Variants in CTNNA2 observed in about 807,000 individuals in gnomAD.
The protein encoded by CTNNA2 is catenin alpha 2, also known as catenin alpha-2.
In CTNNA2, 42 loss-of-function variants were observed where a neutral mutation model predicts 101.0. The observed-to-expected ratio is 0.42, with a 90% confidence interval of 0.32 to 0.54. CTNNA2 has a LOEUF of 0.54. Among genes scored for constraint, CTNNA2 ranks in the 20% least tolerant of loss-of-function variants. The pLI, the probability that CTNNA2 is intolerant of heterozygous loss-of-function variation, is 0.14. For missense variants in CTNNA2, 871 were observed against 1,223.1 expected, an observed-to-expected ratio of 0.71 and a Z score of 4.29; for synonymous variants, 450 against 456.4, an observed-to-expected ratio of 0.99 and a Z score of 0.18.
chr2:79,980,917 TTTC>T (rs1691218648), intron 7 of CTNNA2, among the ~76,000 whole-genome samples: 1 of 152,130 alleles, frequency 6.6e-6, no homozygotes, highest in Admixed American at 6.6e-5. Flanking sequence ...CAATTCTTTC[TTTC>T]TTTTTTTTTT....
At chr2:80,077,225 A>G (rs1302094659) in intron 7 of CTNNA2, among the ~76,000 whole-genome samples, 2 of 152,202 alleles carry the variant, frequency 1.3e-5, no homozygotes, top group East Asian at 3.8e-4. Context: ...TTAAACATAC[A>G]TTTACCGTAG....
At chr2:79,496,210 G>A (rs781212450) in intron 4 of CTNNA2, among the ~76,000 whole-genome samples, 4 of 151,964 alleles carry the variant, frequency 2.6e-5, no homozygotes, top group Admixed American at 6.6e-5. Flanking sequence ...AAAAAATTTA[G>A]CAATTGTTTC....
Position 79,271,748 on chromosome 2 carries a change from C to T in CTNNA2, c.-405-40961C>T, listed in dbSNP as rs188743053. On this transcript the variant is annotated intron_variant, in intron 2 of 21. Coordinates refer to the CTNNA2 transcript ENST00000466387. ...GGCAGGTCAGGAGGCCTTGAAGTTT[C>T]CCCAGTAAGAGGAATTTAACAGAGA... Among the ~76,000 whole-genome samples the T allele has an allele frequency of 3.7e-3, 561 of 152,114 alleles. 4 individuals are homozygous for T. Among genetic ancestry groups the T allele is most frequent in the Middle Eastern group, 0.01 (3 of 294 alleles).
chr2:79,666,156 T>C (rs561869591), intron 2 of CTNNA2, among the ~76,000 whole-genome samples: 24 of 152,362 alleles, frequency 1.6e-4, no homozygotes, highest in African/African-American at 5.8e-4. Context: ...TTTTGCATTT[T>C]TTAAAAATGG....
At chr2:80,609,869 A>G (rs1000698569) in intron 17 of CTNNA2, among the ~76,000 whole-genome samples, 2 of 151,630 alleles carry the variant, frequency 1.3e-5, no homozygotes, top group African/African-American at 2.4e-5. Flanking sequence ...CTCAGTACCC[A>G]TTGTTTGTCA....
At chr2:80,619,966 G>A (rs1045259111) in intron 18 of CTNNA2, among the ~76,000 whole-genome samples, 17 of 151,832 alleles carry the variant, frequency 1.1e-4, no homozygotes, top group African/African-American at 3.9e-4. Context: ...ATATGCCTTA[G>A]TATTTAGAAA....
chr2:79,340,833 CAAAA>C (rs56276462), intron 3 of CTNNA2, among the ~76,000 whole-genome samples: 3 of 32,534 alleles, frequency 9.2e-5, no homozygotes, highest in African/African-American at 3.7e-4. Flanking sequence ...GACTCAGTCT[CAAAA>C]AAAAAAAAAA....
chr2:79,448,109 T>C (rs930768216), intron 4 of CTNNA2, among the ~76,000 whole-genome samples: 2 of 152,066 alleles, frequency 1.3e-5, no homozygotes, highest in African/African-American at 4.8e-5. Context: ...TTCCTAGATA[T>C]ATAACACATA....
intron 9 of CTNNA2, among the ~76,000 whole-genome samples, chr2:80,505,590 G>A (rs1258544578): frequency 1.3e-5 from 2 of 152,200 alleles, no homozygotes; most frequent in Non-Finnish European, 2.9e-5. Flanking sequence ...TGTGGTGGAT[G>A]AAGGGGAACA....
Position 80,457,086 on chromosome 2 carries a change from GT to G in CTNNA2, c.1290+37494del, listed in dbSNP as rs199586730. On this transcript the variant is annotated intron_variant, in intron 9 of 18. Coordinates refer to ENST00000402739, the MANE Select transcript of CTNNA2 (RefSeq NM_001282597.3). Reference sequence around the variant, plus strand: ...TATACATTTTTTTTTAATTTTACATGTTTTTTTTTGGACAGAGTCTCGCTCT... The same window carrying G: ...TATACATTTTTTTTTAATTTTACATGTTTTTTTTGGACAGAGTCTCGCTCT... Among the ~76,000 whole-genome samples, 190 of 150,772 alleles carry G rather than the reference GT, an allele frequency of 1.3e-3. 1 individual carries two copies. Among genetic ancestry groups the G allele is most frequent in the African/African-American group, 4.4e-3 (181 of 41,098 alleles).
intron 6 of CTNNA2, among the ~76,000 whole-genome samples, chr2:79,877,994 G>A (rs1460821464): frequency 6.6e-6 from 1 of 152,064 alleles, no homozygotes; most frequent in African/African-American, 2.4e-5. Context: ...AGTCCCTGGT[G>A]TGTGTTGTTC....
At chr2:79,636,106 A>AC (rs1680026553) in intron 1 of CTNNA2, among the ~76,000 whole-genome samples, 1 of 46,728 alleles carries the variant, frequency 2.1e-5, no homozygotes. Flanking sequence ...CTAAAAATAC[A>AC]AAAAAAAAAA....
chr2:80,061,749 A>G (rs994214188), intron 7 of CTNNA2, among the ~76,000 whole-genome samples: 1 of 152,202 alleles, frequency 6.6e-6, no homozygotes, highest in Non-Finnish European at 1.5e-5. Flanking sequence ...TGAGAGTTCT[A>G]TGAGGATAGA....
chr2:79,735,573 C>A (rs1391520733), intron 2 of CTNNA2, among the ~76,000 whole-genome samples: 9 of 152,142 alleles, frequency 5.9e-5, no homozygotes, highest in Non-Finnish European at 1.3e-4. Context: ...CTATTATATT[C>A]TTCAGGAAAT....
chr2:80,261,817 G>A (rs998001093), intron 7 of CTNNA2, among the ~76,000 whole-genome samples: 1 of 152,124 alleles, frequency 6.6e-6, no homozygotes, highest in Non-Finnish European at 1.5e-5. Flanking sequence ...AACATGAAAT[G>A]AATTTGGTTT....
chr2:79,513,475 T>G (rs1334641926), intron 1 of CTNNA2, among the ~76,000 whole-genome samples: 2 of 152,154 alleles, frequency 1.3e-5, no homozygotes, highest in Non-Finnish European at 2.9e-5. Context: ...TCTGCATCCC[T>G]TTCCTCTTGT....
intron 1 of CTNNA2, among the ~76,000 whole-genome samples, chr2:79,626,619 ATGTGTGTGTGTGTGTG>A (rs71867416): frequency 2.8e-5 from 4 of 142,390 alleles, no homozygotes; most frequent in Admixed American, 7.1e-5. Flanking sequence ...GTGTGTGTGT[ATGTGTGTGTGTGTGTG>A]TGTGTGTGTG....
rs200076866 is a variant in CTNNA2 at position 80,081,491 on chromosome 2, TCTCC to T, written c.1056+171717_1056+171720del. Reference sequence around the variant, plus strand: ...GTGATAAGAAAAGTCTCTGTCTCTCTCTCCCTCCCTCCCTCCCTCCCTCCCTTTC... The same window carrying T: ...GTGATAAGAAAAGTCTCTGTCTCTCTCTCCCTCCCTCCCTCCCTCCCTTTC... On this transcript the variant is annotated intron_variant, in intron 7 of 18. Coordinates refer to ENST00000402739, the MANE Select transcript of CTNNA2 (RefSeq NM_001282597.3). Among the ~76,000 whole-genome samples, 1,408 of 151,118 alleles carry T rather than the reference TCTCC, an allele frequency of 9.3e-3. 12 individuals are homozygous for T. Among genetic ancestry groups the T allele is most frequent in the African/African-American group, 0.029 (1,187 of 40,944 alleles).
chr2:79,230,475 A>C (rs1012397559), intron 2 of CTNNA2, among the ~76,000 whole-genome samples: 2 of 152,230 alleles, frequency 1.3e-5, no homozygotes, highest in African/African-American at 4.8e-5. Flanking sequence ...CTCCACCCAG[A>C]TTTCAGAAGA....
Sources: gnomAD v4.1 joint callset for allele counts (sites outside exome capture counted in the v4.1 genomes callset) on GRCh38, gnomAD v4.1.1 for gene constraint, MANE v1.5 for transcripts, NCBI Gene and HGNC (gene_info 2026-07-23, HGNC 2026-07-21) for gene names.